ATR: variants seen among roughly 807,000 people sequenced by gnomAD.
The protein encoded by ATR is serine/threonine-protein kinase ATR.
ATR carries 142 observed loss-of-function variants against 305.3 expected under a neutral mutation model. That is an observed-to-expected ratio of 0.47 (90% confidence interval 0.41 to 0.53). The LOEUF is 0.53. Ranked by LOEUF, ATR falls within the 20% of genes least tolerant of loss-of-function variation. The pLI, the probability that ATR is intolerant of heterozygous loss-of-function variation, is 0.00. For missense variants in ATR, 2,135 were observed against 3,133.1 expected (o/e 0.68, Z 7.60); for synonymous variants, 1,050 against 1,068.1 (o/e 0.98, Z 0.33).
intron 1 of ATR, among the ~76,000 whole-genome samples, chr3:142,577,449 G>C (rs981575747): frequency 9.2e-5 from 14 of 152,190 alleles, no homozygotes; most frequent in African/African-American, 3.1e-4. Context: ...TTCTTTTAGA[G>C]AGGTAGAGGT....
In ATR at chr3:142,505,302, T is replaced by G. The variant is rs373855542; in HGVS notation, c.5033A>C (p.Lys1678Thr). ...NIQEHLGFLQ[K>T]LYAAMHEPDG... ...AGGTTCATGCATAGCAGCATACAAT[T>G]TCTTTGTTCAATGATTAAAAAACAA... The change falls in exon 29 of 47, where the codon AAA becomes ACA. Residue 1678 changes from lysine to threonine, a missense_variant and splice_region_variant. Physicochemically the swap from Lys to Thr is moderately conservative, Grantham distance 78. Around this residue, in one of 9 missense-constraint regions of ATR, gnomAD observed 45 missense variants for 80.4 expected, o/e 0.56. Transcript: ENST00000350721. 1.9e-6 allele frequency: 3 copies of G among 1,613,500 alleles called. No individual in the cohort carries two copies. The highest frequency in any genetic ancestry group is 2.7e-5 in the African/African-American group (2 of 74,880).
At chr3:142,479,632 C>T (rs2030259948) in intron 36 of ATR, among the ~76,000 whole-genome samples, 1 of 152,138 alleles carries the variant, frequency 6.6e-6, no homozygotes, top group Admixed American at 6.6e-5. Context: ...TGAATGTTGG[C>T]CTGCCTTGCT....
At chr3:142,566,501 T>TA (rs1214328130) in intron 2 of ATR, among the ~76,000 whole-genome samples, 2 of 151,852 alleles carry the variant, frequency 1.3e-5, no homozygotes, top group East Asian at 3.9e-4. Flanking sequence ...AGTGTGCCTA[T>TA]AGTCCCAGCT....
intron 33 of ATR, 151 bp downstream of exon 33, chr3:142,496,862 G>T: frequency 1.1e-6 from 1 of 876,490 alleles, no homozygotes; most frequent in Non-Finnish European, 1.7e-6. Flanking sequence ...TAAGTTCTAG[G>T]TTCCTTTCAA....
In ATR at chr3:142,553,717, T is replaced by G; in HGVS notation, c.2556A>C (p.Glu852Asp). The G allele has an allele frequency of 4.3e-6, 7 of 1,612,860 alleles. No individual in the cohort carries two copies. Among genetic ancestry groups the G allele is most frequent in the Non-Finnish European group, 5.9e-6 (7 of 1,178,994 alleles). The change falls in exon 12 of 47, where the codon GAA becomes GAC. Residue 852 changes from glutamate (E) to aspartate (D), a missense_variant. By Grantham distance (45) the Glu-to-Asp change is conservative. Coordinates refer to ENST00000350721, the MANE Select transcript of ATR (RefSeq NM_001184.4). Reference sequence around the variant, plus strand: ...TTGATATTTGGGCATGTGTATATGCTTCCTTCATTCTTAAGACAAAAAGCT... The same window carrying G: ...TTGATATTTGGGCATGTGTATATGCGTCCTTCATTCTTAAGACAAAAAGCT... ...IKELFVLRMKEAYTHAQISRN... is the reference protein window; with the variant it reads ...IKELFVLRMKDAYTHAQISRN...
intron 24 of ATR, 57 bp downstream of exon 24, chr3:142,519,612 T>C: frequency 1.4e-6 from 2 of 1,464,906 alleles, no homozygotes; most frequent in Non-Finnish European, 1.9e-6. Context: ...AAAAATCGCA[T>C]TATTTTTATA....
At chr3:142,462,134 A>G (rs1428182990) in intron 41 of ATR, 44 bp from the exon 42 acceptor site, 11 of 1,542,726 alleles carry the variant, frequency 7.1e-6, no homozygotes, top group Non-Finnish European at 8.9e-6. Flanking sequence ...ATAGAACTCA[A>G]AATTTCTAAA....
intron 35 of ATR, among the ~76,000 whole-genome samples, chr3:142,488,982 T>C (rs1382687171): frequency 6.6e-6 from 1 of 152,212 alleles, no homozygotes; most frequent in Admixed American, 6.5e-5. Flanking sequence ...AGAGGTCTTG[T>C]GTGCAATTTA....
rs1478521362 is a variant in ATR, at chr3:142,543,503, C to T, written c.3358-746G>A. ...CATTCCTCCCTCCTTTGCTTCCTTC[C>T]TCCCTCTTTCTCTTTCTTTCTTCCT... On this transcript the variant is annotated intron_variant, in intron 16 of 46. Transcript: ENST00000350721. Among the ~76,000 whole-genome samples, 4 of 148,424 alleles carry T rather than the reference C, an allele frequency of 2.7e-5. No homozygotes were observed. In the East Asian group the frequency reaches 8.0e-4, roughly 30 times the overall value.
intron 38 of ATR, 70 bp from the exon 39 acceptor site, chr3:142,468,138 CT>C: frequency 1.3e-6 from 2 of 1,562,938 alleles, no homozygotes; most frequent in Non-Finnish European, 1.7e-6. Context: ...AAATTTTTTG[CT>C]TGACAAAAAA....
chr3:142,450,482 AAG>A (rs1220173058), intron 46 of ATR: 4 of 1,602,506 alleles, frequency 2.5e-6, no homozygotes, highest in African/African-American at 1.3e-5. Flanking sequence ...AGGTCCACTA[AAG>A]AGAGAGTTCA....
At chr3:142,507,734 T>C (rs1448945072) in intron 28 of ATR, among the ~76,000 whole-genome samples, 197 bp downstream of exon 28, 1 of 152,210 alleles carries the variant, frequency 6.6e-6, no homozygotes, top group Non-Finnish European at 1.5e-5. Context: ...TCCACATGGA[T>C]GAGTTAAGTG....
At chr3:142,461,804 T>C in intron 42 of ATR, 136 bp downstream of exon 42, 1 of 919,010 alleles carries the variant, frequency 1.1e-6, no homozygotes, top group East Asian at 2.6e-5. Context: ...CACTTAAGTG[T>C]TTCTGTATAT....
chr3:142,456,868 T>C (rs1330251592), intron 45 of ATR, among the ~76,000 whole-genome samples: 1 of 152,236 alleles, frequency 6.6e-6, no homozygotes, highest in East Asian at 1.9e-4. Context: ...TATAAAGTGT[T>C]ACAACTGCTT....
intron 46 of ATR, chr3:142,451,414 A>G (rs2070786539): frequency 6.7e-7 from 1 of 1,482,220 alleles, no homozygotes. Context: ...AAGCCTAGAA[A>G]TATTTTTCTT....
chr3:142,502,380 C>T lies in ATR; in HGVS notation c.5288+982G>A, dbSNP rs564429020. On this transcript the variant is annotated intron_variant, in intron 30 of 46. Transcript: ENST00000350721. ...CACATATACACAATGGAATACTATG[C>T]AGCTATAAAAAAGAATAAAATGGGA... 1.7e-4 allele frequency among the ~76,000 whole-genome samples: 25 copies of T among 145,502 alleles called. No homozygotes were observed. The South Asian group carries it at 4.9e-3, about 28-fold the overall frequency.
At position 142,562,695 on chromosome 3, in the gene ATR, A is replaced by T; in HGVS notation, c.707T>A (p.Leu236Gln). 5.6e-6 allele frequency: 9 copies of T among 1,614,140 alleles called. No homozygotes were observed. Among genetic ancestry groups the T allele is most frequent in the Non-Finnish European group, 7.6e-6 (9 of 1,179,984 alleles). Residue 236 changes from leucine (L) to glutamine (Q), a missense_variant, in exon 4 of 47, where the codon CTG becomes CAG. Transcript: ENST00000350721. ...AATTTTTGGACTACCATACTCTAGC[A>T]GAACACAACCTATCTGCCAAAGTAA... ...ELLLWQIGCV[L>Q]LEYGSPKIKS...
intron 46 of ATR, 30 bp downstream of exon 46, chr3:142,453,098 A>T (rs775108310): frequency 2.8e-5 from 45 of 1,613,616 alleles, no homozygotes; most frequent in Non-Finnish European, 3.8e-5. Context: ...TGAGGACTAC[A>T]GCCCATATCA....
At chr3:142,560,050 T>A (rs1338999714) in intron 6 of ATR, among the ~76,000 whole-genome samples, 1 of 152,230 alleles carries the variant, frequency 6.6e-6, no homozygotes, top group East Asian at 1.9e-4. Context: ...CATAATAGCC[T>A]TTACCTTACA....
Sources: gnomAD v4.1 joint callset for allele counts (sites outside exome capture counted in the v4.1 genomes callset) on GRCh38, gnomAD v4.1.1 for gene constraint, gnomAD v4.1.1 regional missense constraint, MANE v1.5 for transcripts, NCBI Gene and HGNC (gene_info 2026-07-23, HGNC 2026-07-21) for gene names.